The following DPP6 variants were observed in gnomAD, a reference collection of about 807,000 sequenced individuals.
DPP6 encodes the protein A-type potassium channel modulatory protein DPP6.
In DPP6, 69 loss-of-function variants were observed where a neutral mutation model predicts 122.6. That is an observed-to-expected ratio of 0.56 (90% confidence interval 0.46 to 0.69). The LOEUF (loss-of-function observed/expected upper bound fraction) is 0.69. DPP6 is among the 30% of genes least tolerant of loss of function. The pLI is 0.00. For missense variants in DPP6, 928 were observed against 1,116.9 expected, an observed-to-expected ratio of 0.83 and a Z score of 2.41; for synonymous variants, 418 against 433.1, an observed-to-expected ratio of 0.97 and a Z score of 0.43.
At chr7:154,720,282 C>T (rs918383425) in intron 7 of DPP6, among the ~76,000 whole-genome samples, 1 of 152,202 alleles carries the variant, frequency 6.6e-6, no homozygotes, top group Non-Finnish European at 1.5e-5. Context: ...GGCGCCAGGG[C>T]AGGGCAGCAT....
chr7:154,549,154 T>C (rs2130355650), intron 4 of DPP6, among the ~76,000 whole-genome samples: 1 of 152,320 alleles, frequency 6.6e-6, no homozygotes, highest in East Asian at 1.9e-4. Context: ...AGAAATGATG[T>C]AATAAAGGTT....
At chr7:154,447,700 A>ACTAC (rs1248326597) in intron 2 of DPP6, among the ~76,000 whole-genome samples, 1 of 152,220 alleles carries the variant, frequency 6.6e-6, no homozygotes, top group Non-Finnish European at 1.5e-5. Context: ...ACTGAATCTA[A>ACTAC]CTACATGTAG....
intron 1 of DPP6, among the ~76,000 whole-genome samples, chr7:154,391,414 C>G (rs1028449438): frequency 2.7e-4 from 41 of 152,190 alleles, no homozygotes; most frequent in Non-Finnish European, 5.9e-4. Flanking sequence ...GTTTTAGACT[C>G]TCCTAATCCC....
chr7:154,157,033 AT>A (rs1251732920), intron 1 of DPP6, among the ~76,000 whole-genome samples: 1 of 152,250 alleles, frequency 6.6e-6, no homozygotes, highest in East Asian at 1.9e-4. Context: ...TTTAAAAGAT[AT>A]ACCCTCACTG....
chr7:154,353,511 A>G (rs1425718734), intron 1 of DPP6, among the ~76,000 whole-genome samples: 3 of 152,140 alleles, frequency 2.0e-5, no homozygotes, highest in African/African-American at 7.2e-5. Flanking sequence ...CTGACAATTG[A>G]GTGATGGAAG....
At chr7:154,352,803 T>G (rs930674677) in intron 1 of DPP6, among the ~76,000 whole-genome samples, 6 of 152,232 alleles carry the variant, frequency 3.9e-5, no homozygotes, top group African/African-American at 1.4e-4. Flanking sequence ...GTAACAAACC[T>G]GCACGTTCTT....
intron 1 of DPP6, among the ~76,000 whole-genome samples, chr7:153,961,511 T>C (rs1795350348): frequency 6.6e-6 from 1 of 150,466 alleles, no homozygotes; most frequent in South Asian, 2.1e-4. Flanking sequence ...CCCCAGACTT[T>C]TTGGCACCAG....
rs1008694557 is a variant in DPP6, at chr7:154,217,750, A to C, written c.243+164687A>C. On this transcript the variant is annotated intron_variant, in intron 1 of 25. Coordinates refer to ENST00000377770, the MANE Select transcript of DPP6 (RefSeq NM_130797.4). Reference sequence around the variant, plus strand: ...CCCTTTCTCACTCTGACAGGGGCACAGTGAACTTCCTAGTCCATTCCATGT... The same window carrying C: ...CCCTTTCTCACTCTGACAGGGGCACCGTGAACTTCCTAGTCCATTCCATGT... Among the ~76,000 whole-genome samples, 10 of 152,188 alleles carry C rather than the reference A, an allele frequency of 6.6e-5. No homozygotes were observed. In the East Asian group the frequency reaches 1.7e-3, roughly 26 times the overall value.
chr7:153,820,598 C>G, the DPP6 span, among the ~76,000 whole-genome samples: 1 of 152,048 alleles, frequency 6.6e-6, no homozygotes. Flanking sequence ...AGGCCTGAAC[C>G]TAGCACATAC....
At chr7:154,302,621 T>A (rs992749542) in intron 1 of DPP6, among the ~76,000 whole-genome samples, 3 of 152,234 alleles carry the variant, frequency 2.0e-5, no homozygotes, top group African/African-American at 7.2e-5. Flanking sequence ...AGCAGGACAT[T>A]CCTTTGAAGG....
rs1823503552 is a variant in DPP6, at chr7:154,483,424, A to G, written c.457+8387A>G. On this transcript the variant is annotated intron_variant, in intron 3 of 25. Transcript: ENST00000377770. This position sits in a 1 kb window ranked among gnomAD's most constrained non-coding sequence, Gnocchi z 8.1. ...TTTAAAAGCATTTATTTGAGCAAAC[A>G]GTGATTCATGAATTGGGCAGCTCCA... Among the ~76,000 whole-genome samples, 2 of 151,974 alleles carry G rather than the reference A, an allele frequency of 1.3e-5. No homozygotes were observed. The highest frequency in any genetic ancestry group is 2.4e-5 in the African/African-American group (1 of 41,362).
intron 10 of DPP6, among the ~76,000 whole-genome samples, chr7:154,787,160 C>T (rs1046764252): frequency 6.6e-6 from 1 of 152,142 alleles, no homozygotes; most frequent in Non-Finnish European, 1.5e-5. Context: ...TCTTAATAAC[C>T]ATCTTCTTGT....
intron 2 of DPP6, among the ~76,000 whole-genome samples, chr7:154,468,130 G>T (rs1821950704): frequency 6.6e-6 from 1 of 152,222 alleles, no homozygotes; most frequent in African/African-American, 2.4e-5. Flanking sequence ...AAAAAGGAAT[G>T]AAGTAGTGGT....
intron 1 of DPP6, among the ~76,000 whole-genome samples, chr7:154,106,950 A>G (rs2626696): frequency 6.6e-6 from 1 of 152,162 alleles, no homozygotes; most frequent in Non-Finnish European, 1.5e-5. Context: ...TGGCGAGGAT[A>G]TGGAGAGAAG....
At chr7:154,573,968 G>C (rs1472184863) in intron 5 of DPP6, among the ~76,000 whole-genome samples, 1 of 152,174 alleles carries the variant, frequency 6.6e-6, no homozygotes, top group African/African-American at 2.4e-5. Context: ...GTTTCCATCT[G>C]TTTTTGAAAT....
intron 8 of DPP6, among the ~76,000 whole-genome samples, chr7:154,753,330 G>A (rs764529697): frequency 1.1e-4 from 17 of 152,228 alleles, no homozygotes; most frequent in Non-Finnish European, 1.8e-4. Flanking sequence ...CTCGAAAGCA[G>A]TGACCACATC....
the DPP6 span, among the ~76,000 whole-genome samples, chr7:153,877,554 G>A: frequency 6.6e-5 from 10 of 152,022 alleles, no homozygotes; most frequent in Non-Finnish European, 1.2e-4. Flanking sequence ...GGAATTTTTC[G>A]GCTTCATTAT....
At chr7:154,680,693 TTA>T (rs1491164278) in intron 7 of DPP6, among the ~76,000 whole-genome samples, 4 of 90,578 alleles carry the variant, frequency 4.4e-5, no homozygotes, top group African/African-American at 7.5e-5. Context: ...TATATTTTTT[TTA>T]AAAAAAAATT....
At chr7:154,620,303 C>T (rs896375682) in intron 5 of DPP6, among the ~76,000 whole-genome samples, 17 of 152,322 alleles carry the variant, frequency 1.1e-4, no homozygotes, top group Non-Finnish European at 2.2e-4. Flanking sequence ...TAGTCAGTAG[C>T]GACTGATCAC....
Sources: gnomAD v4.1 joint callset for allele counts (sites outside exome capture counted in the v4.1 genomes callset) on GRCh38, gnomAD v4.1.1 for gene constraint, Gnocchi (gnomAD v3.1) non-coding constraint, MANE v1.5 for transcripts, NCBI Gene and HGNC (gene_info 2026-07-23, HGNC 2026-07-21) for gene names.